The following ELK3 variants were observed in gnomAD, a reference collection of about 807,000 sequenced individuals.
ELK3 encodes ETS domain-containing protein Elk-3.
A neutral mutation model predicts 28.9 loss-of-function variants in ELK3; 10 were observed. The observed-to-expected ratio is 0.35, with a 90% CI of 0.21 to 0.59. The LOEUF (loss-of-function observed/expected upper bound fraction) is 0.59. Among genes scored for constraint, ELK3 ranks in the 20% least tolerant of loss-of-function variants. The pLI, the probability that ELK3 is intolerant of heterozygous loss-of-function variation, is 0.82. For missense variants in ELK3, 463 were observed against 517.3 expected (o/e 0.90, Z 1.02); for synonymous variants, 272 against 243.5 (o/e 1.12, Z -1.09).
chr12:96,210,565 GCACACA>G (rs56257302), intron 1 of ELK3, among the ~76,000 whole-genome samples: 1 of 146,326 alleles, frequency 6.8e-6, no homozygotes, highest in Non-Finnish European at 1.5e-5. Flanking sequence ...GCGGGCGCAC[GCACACA>G]CACACACACA....
chr12:96,223,163 A>AT (rs1951674654), intron 1 of ELK3, among the ~76,000 whole-genome samples: 1 of 152,170 alleles, frequency 6.6e-6, no homozygotes, highest in Admixed American at 6.5e-5. Context: ...CATCCAAACT[A>AT]TATCACGGAC....
chr12:96,267,281 T>TAA lies in ELK3; in HGVS notation c.*101_*102insAA. ...TGAGAAGGACATTGTGAAACTCTTG[T>TAA]TAATTTGGTTTGCACTTTTCATAAC... On this transcript the variant is annotated 3_prime_UTR_variant, in exon 5 of 5. Transcript: ENST00000228741. 1 of 1,007,898 alleles carries TAA rather than the reference T, an allele frequency of 9.9e-7. No individual in the cohort carries two copies. The highest frequency in any genetic ancestry group is 2.7e-5 in the East Asian group (1 of 37,026). 62.4% of individuals were successfully genotyped at this position (1,007,898 alleles called of 1,614,324 possible). A position where few individuals can be genotyped will look rare whatever the true frequency, so the allele number is the denominator to read the frequency against.
chr12:96,219,253 A>C (rs1027458131), intron 1 of ELK3, among the ~76,000 whole-genome samples: 1 of 152,162 alleles, frequency 6.6e-6, no homozygotes, highest in Non-Finnish European at 1.5e-5. Flanking sequence ...CTGTTAAGAC[A>C]TTGGACTTCA....
chr12:96,210,739 A>AG (rs1326464515), intron 1 of ELK3, among the ~76,000 whole-genome samples: 1 of 152,200 alleles, frequency 6.6e-6, no homozygotes, highest in Non-Finnish European at 1.5e-5. Flanking sequence ...CTTTGAAAGG[A>AG]GGGCACTGGT....
Position 96,259,762 on chromosome 12 carries a change from C to G in ELK3, c.1034C>G (p.Pro345Arg). ...AATGGATTGCTTCTGACTCCGAGTC[C>G]ACTGCTCTCCAGCATACATTTCTGG... is the stretch of plus-strand genomic sequence containing the variant. ...TPNGLLLTPS[P>R]LLSSIHFWSS... Residue 345 changes from proline to arginine, a missense_variant, in exon 4 of 5, where the codon CCA (proline) becomes CGA (arginine). Physicochemically the swap from Pro to Arg is moderately radical, Grantham distance 103 (BLOSUM62 -2). Transcript: ENST00000228741. 6.2e-7 allele frequency: 1 copy of G among 1,610,734 alleles called. No individual in the cohort carries two copies. Among genetic ancestry groups the G allele is most frequent in the Non-Finnish European group, 8.5e-7 (1 of 1,178,812 alleles).
chr12:96,265,181 A>G lies in ELK3; in HGVS notation c.1126-1901A>G, dbSNP rs944531791. On this transcript the variant is annotated intron_variant, in intron 4 of 4. Transcript: ENST00000228741. ...GAAACGTTGCAGTTTAAAATAGGGG[A>G]GTGTCATGGGAGAAGAGCCTAATAA... Among the ~76,000 whole-genome samples, 3 of 152,184 alleles carry G rather than the reference A, an allele frequency of 2.0e-5. No individual in the cohort carries two copies. In the East Asian group the frequency reaches 5.8e-4, roughly 29 times the overall value.
At chr12:96,252,865 G>A (rs368934467) in intron 3 of ELK3, among the ~76,000 whole-genome samples, 55 of 152,344 alleles carry the variant, frequency 3.6e-4, no homozygotes, top group African/African-American at 1.2e-3. Flanking sequence ...TAAAGCAGCG[G>A]CAGGGTTTGA....
rs895450925 is a variant in ELK3, at chr12:96,194,528, C to T, written c.-180C>T. 6.6e-6 allele frequency: 1 copy of T among 150,426 alleles called. No individual in the cohort carries two copies. Among genetic ancestry groups the T allele is most frequent in the Non-Finnish European group, 1.5e-5 (1 of 67,586 alleles). The allele number at this position is 150,426 out of a possible 1,614,324, so 9.3% of individuals were successfully genotyped here. A position where few individuals can be genotyped will look rare whatever the true frequency, so the allele number is the denominator to read the frequency against. On this transcript the variant is annotated 5_prime_UTR_variant, in exon 1 of 5. Transcript: ENST00000228741. ...CCTGACTGCTCCAACTTCCTGCTCT[C>T]ACACACACCAGAGGGGAAAAAAAAA...
chr12:96,239,501 A>G (rs1156670502), intron 2 of ELK3, among the ~76,000 whole-genome samples: 1 of 152,190 alleles, frequency 6.6e-6, no homozygotes, highest in Non-Finnish European at 1.5e-5. Flanking sequence ...CTGCAATGGG[A>G]TAACAGTGCC....
At chr12:96,262,017 CTTTT>C (rs57348208) in intron 4 of ELK3, among the ~76,000 whole-genome samples, 9 of 115,646 alleles carry the variant, frequency 7.8e-5, no homozygotes, top group Admixed American at 1.8e-4. Context: ...CTGATAAAAA[CTTTT>C]TTTTTTTTTT....
intron 2 of ELK3, among the ~76,000 whole-genome samples, chr12:96,245,766 C>T (rs1025642286): frequency 6.6e-6 from 1 of 152,088 alleles, no homozygotes; most frequent in Non-Finnish European, 1.5e-5. Context: ...CCAGTGGGTT[C>T]GGCAGGGAAT....
rs1951835568 is a variant in ELK3 at position 96,243,504 on chromosome 12, C to T, written c.208-3436C>T. On this transcript the variant is annotated intron_variant, in intron 2 of 4. Transcript: ENST00000228741. The stretch of plus-strand genomic sequence containing the variant: ...TTGGGAGGCTGAGGCGGGCAGATCA[C>T]CTGAGGTCAGGAGTTCAAGACCAGC... Among the ~76,000 whole-genome samples, 3 of 152,060 alleles carry T rather than the reference C, an allele frequency of 2.0e-5. No individual in the cohort carries two copies. In the South Asian group the frequency reaches 6.2e-4, roughly 32 times the overall value.
intron 4 of ELK3, among the ~76,000 whole-genome samples, chr12:96,261,486 A>T (rs1951992180): frequency 6.6e-6 from 1 of 152,252 alleles, no homozygotes; most frequent in African/African-American, 2.4e-5. Flanking sequence ...TGAAAGTCTT[A>T]AGATTAGAGC....
At chr12:96,215,579 GAATC>G (rs1378923172) in intron 1 of ELK3, among the ~76,000 whole-genome samples, 3 of 149,590 alleles carry the variant, frequency 2.0e-5, no homozygotes, top group Admixed American at 2.0e-4. Flanking sequence ...ATTAAAGAAT[GAATC>G]AAAGTTAAAT....
chr12:96,241,992 A>G (rs531749942), intron 2 of ELK3, among the ~76,000 whole-genome samples: 6 of 152,350 alleles, frequency 3.9e-5, no homozygotes, highest in Admixed American at 2.0e-4. Context: ...GGTCCCACCC[A>G]TGTAAGAGGG....
chr12:96,248,303 C>T lies in ELK3; in HGVS notation c.1002+569C>T, dbSNP rs534174165. On this transcript the variant is annotated intron_variant, in intron 3 of 4. Coordinates refer to ENST00000228741, the MANE Select transcript of ELK3 (RefSeq NM_005230.4). ...AGAAAGCCCCAGTCCACAGCACTGG[C>T]GAGAGGACAGCAAACTTGCAGAGCC... is the stretch of plus-strand genomic sequence containing the variant. Among the ~76,000 whole-genome samples the T allele has an allele frequency of 5.1e-4, 77 of 152,292 alleles. No homozygotes were observed. In the South Asian group the frequency reaches 5.2e-3, roughly 10 times the overall value.
intron 1 of ELK3, among the ~76,000 whole-genome samples, chr12:96,208,779 G>A (rs1482423598): frequency 2.0e-5 from 3 of 152,228 alleles, no homozygotes; most frequent in Non-Finnish European, 4.4e-5. Context: ...TGCAAGGGGA[G>A]GAAGAGGCTC....
At chr12:96,238,507 G>A (rs1179675600) in intron 2 of ELK3, among the ~76,000 whole-genome samples, 6 of 152,206 alleles carry the variant, frequency 3.9e-5, no homozygotes, top group African/African-American at 1.4e-4. Flanking sequence ...GGAGACAGCC[G>A]GGGGAGCTTG....
At chr12:96,218,648 AT>A (rs144305445) in intron 1 of ELK3, among the ~76,000 whole-genome samples, 37,191 of 130,844 alleles carry the variant, frequency 0.28, 4,933 homozygotes, top group South Asian at 0.42. Context: ...AAAGATAAGC[AT>A]TTTTTTTTTT....
Sources: gnomAD v4.1 joint callset for allele counts (sites outside exome capture counted in the v4.1 genomes callset) on GRCh38, gnomAD v4.1.1 for gene constraint, MANE v1.5 for transcripts, NCBI Gene and HGNC (gene_info 2026-07-23, HGNC 2026-07-21) for gene names.